ASIC2: variants seen among roughly 807,000 people sequenced by gnomAD.
ASIC2 encodes the protein acid sensing ion channel subunit 2.
A neutral mutation model predicts 57.3 loss-of-function variants in ASIC2; 25 were observed. The observed-to-expected ratio is 0.44, with a 90% CI of 0.32 to 0.61. ASIC2 has a LOEUF of 0.61. ASIC2 is among the 20% of genes least tolerant of loss of function. The pLI is 0.06. For synonymous variants in ASIC2, 319 were observed against 307.5 expected (o/e 1.04, Z -0.39); for missense variants, 641 against 738.1 (o/e 0.87, Z 1.52).
chr17:33,752,932 G>C (rs2701488), intron 1 of ASIC2, among the ~76,000 whole-genome samples: 50,278 of 152,084 alleles, frequency 0.33, 10,526 homozygotes, highest in Non-Finnish European at 0.49. Context: ...ATATAATCCA[G>C]CAATCAAGCT....
intron 1 of ASIC2, among the ~76,000 whole-genome samples, chr17:33,516,649 G>A (rs1441762160): frequency 1.3e-5 from 2 of 152,158 alleles, no homozygotes; most frequent in Non-Finnish European, 1.5e-5. Flanking sequence ...TGGGTACAAC[G>A]GAACAACTGG....
intron 1 of ASIC2, among the ~76,000 whole-genome samples, chr17:33,772,645 A>G (rs1040786900): frequency 1.3e-5 from 2 of 152,192 alleles, no homozygotes; most frequent in African/African-American, 2.4e-5. Flanking sequence ...CCTATACTGT[A>G]TGTGTACTAT....
intron 3 of ASIC2, among the ~76,000 whole-genome samples, chr17:33,044,052 A>G (rs1326950143): frequency 1.3e-5 from 2 of 151,388 alleles, no homozygotes; most frequent in African/African-American, 2.5e-5. Flanking sequence ...TGGTTATGCA[A>G]AAAAGCAACA....
Position 33,818,098 on chromosome 17 carries a change from G to A in ASIC2, c.555+337880C>T, listed in dbSNP as rs73986797. 9.6e-3 allele frequency among the ~76,000 whole-genome samples: 1,468 copies of A among 152,214 alleles called. 29 individuals are homozygous for A. Among genetic ancestry groups the A allele is most frequent in the African/African-American group, 0.033 (1,377 of 41,524 alleles). On this transcript the variant is annotated intron_variant, in intron 1 of 9. Transcript: ENST00000359872. ...TTTCCACTTCATTCTCTTCATCAGCGCAGCCATAAAGATCCTCCTGGAGTT... is the reference window on the plus strand; with the variant it reads ...TTTCCACTTCATTCTCTTCATCAGCACAGCCATAAAGATCCTCCTGGAGTT...
chr17:33,287,684 C>T (rs919094115), intron 1 of ASIC2, among the ~76,000 whole-genome samples: 1 of 152,108 alleles, frequency 6.6e-6, no homozygotes, highest in Non-Finnish European at 1.5e-5. Context: ...CCAACAGACA[C>T]CCCCCTCCCC....
At chr17:34,137,519 T>C (rs1016759861) in intron 1 of ASIC2, among the ~76,000 whole-genome samples, 1 of 152,190 alleles carries the variant, frequency 6.6e-6, no homozygotes, top group African/African-American at 2.4e-5. Context: ...GGAGGAAACA[T>C]CTCATTTGTG....
At chr17:33,732,812 A>G (rs1909789067) in intron 1 of ASIC2, among the ~76,000 whole-genome samples, 1 of 151,772 alleles carries the variant, frequency 6.6e-6, no homozygotes, top group South Asian at 2.1e-4. Flanking sequence ...TAATATTTGT[A>G]ATTTTAGTAG....
intron 1 of ASIC2, among the ~76,000 whole-genome samples, chr17:33,229,383 G>T: frequency 6.6e-6 from 1 of 152,218 alleles, no homozygotes; most frequent in East Asian, 1.9e-4. Flanking sequence ...TATGAGGAAT[G>T]TGGTCTGAGC....
intron 1 of ASIC2, among the ~76,000 whole-genome samples, chr17:34,095,297 A>G (rs1039810577): frequency 6.6e-6 from 1 of 152,194 alleles, no homozygotes; most frequent in African/African-American, 2.4e-5. Context: ...TCATGCTGTC[A>G]GTCTCTTCAG....
intron 1 of ASIC2, among the ~76,000 whole-genome samples, chr17:33,636,039 ATGT>A (rs758492138): frequency 6.6e-6 from 1 of 152,258 alleles, no homozygotes; most frequent in Non-Finnish European, 1.5e-5. Context: ...TGCCCATGAA[ATGT>A]TGTTTAGAGA....
chr17:33,563,742 A>C (rs957619006), intron 1 of ASIC2, among the ~76,000 whole-genome samples: 1 of 152,146 alleles, frequency 6.6e-6, no homozygotes, highest in African/African-American at 2.4e-5. Flanking sequence ...GTAGAACCCC[A>C]TAGCTTTTAA....
intron 1 of ASIC2, among the ~76,000 whole-genome samples, chr17:33,263,840 C>T (rs1418280274): frequency 6.6e-6 from 1 of 152,242 alleles, no homozygotes; most frequent in Non-Finnish European, 1.5e-5. Flanking sequence ...CTCCATGCTC[C>T]CCTTCTGCGC....
intron 1 of ASIC2, among the ~76,000 whole-genome samples, chr17:33,272,575 A>G (rs1005655929): frequency 6.6e-6 from 1 of 152,164 alleles, no homozygotes; most frequent in Non-Finnish European, 1.5e-5. Context: ...TGCCCTGCAC[A>G]TGGCTGTATT....
chr17:33,190,060 C>G (rs541398144), intron 1 of ASIC2, among the ~76,000 whole-genome samples: 1 of 152,170 alleles, frequency 6.6e-6, no homozygotes, highest in African/African-American at 2.4e-5. Context: ...GAAAAACAAA[C>G]AGAAGGCATA....
chr17:33,736,133 GAATA>G (rs1404360039), intron 1 of ASIC2, among the ~76,000 whole-genome samples: 1 of 152,060 alleles, frequency 6.6e-6, no homozygotes, highest in African/African-American at 2.4e-5. Context: ...TTTGCTGGCT[GAATA>G]AATAGACAAA....
At chr17:33,441,653 A>G (rs998887798) in intron 1 of ASIC2, among the ~76,000 whole-genome samples, 1 of 152,192 alleles carries the variant, frequency 6.6e-6, no homozygotes, top group East Asian at 1.9e-4. Context: ...ACCTCATTTC[A>G]GTGGTGCCCT....
In ASIC2 at chr17:33,382,146, G is replaced by A. The variant is rs141169071; in HGVS notation, c.556-270079C>T. Reference sequence around the variant, plus strand: ...GTCTCTGCACTTGACTTCCTTCCAGGACTCAAGTGGGAGAAATATTCTCAG... The same window carrying A: ...GTCTCTGCACTTGACTTCCTTCCAGAACTCAAGTGGGAGAAATATTCTCAG... On this transcript the variant is annotated intron_variant, in intron 1 of 9. Coordinates refer to the ASIC2 transcript ENST00000359872. Among the ~76,000 whole-genome samples, 600 of 152,174 alleles carry A rather than the reference G, an allele frequency of 3.9e-3. 3 individuals carry two copies. The highest frequency in any genetic ancestry group is 8.7e-3 in the Admixed American group (133 of 15,280).
intron 1 of ASIC2, among the ~76,000 whole-genome samples, chr17:33,449,763 T>C (rs756844349): frequency 1.3e-5 from 2 of 149,756 alleles, no homozygotes; most frequent in Non-Finnish European, 3.0e-5. Flanking sequence ...AGAATAATTT[T>C]CTTTTTTCTT....
chr17:33,826,891 C>T (rs1912935497), intron 1 of ASIC2, among the ~76,000 whole-genome samples: 3 of 152,046 alleles, frequency 2.0e-5, no homozygotes, highest in Admixed American at 6.5e-5. Context: ...ATTAGGAGAA[C>T]ATTATAAGAT....
Sources: gnomAD v4.1 joint callset for allele counts (sites outside exome capture counted in the v4.1 genomes callset) on GRCh38, gnomAD v4.1.1 for gene constraint, MANE v1.5 for transcripts, NCBI Gene and HGNC (gene_info 2026-07-23, HGNC 2026-07-21) for gene names.